The following DUSP13B variants were observed in gnomAD, a reference collection of about 807,000 sequenced individuals.
The protein encoded by DUSP13B is dual specificity protein phosphatase 13B.
chr10:75,095,555 T>C, the DUSP13B span: 4 of 1,608,566 alleles, frequency 2.5e-6, no homozygotes, highest in Non-Finnish European at 3.4e-6. Flanking sequence ...CCCTCCACCA[T>C]GCCTGATCCA....
chr10:75,103,363 A>T, the DUSP13B span, among the ~76,000 whole-genome samples: 12 of 152,318 alleles, frequency 7.9e-5, no homozygotes, highest in African/African-American at 2.9e-4. Context: ...ACAGGTGTAG[A>T]GCAGGTCTTC....
chr10:75,096,884 T>C, the DUSP13B span, among the ~76,000 whole-genome samples: 4 of 152,166 alleles, frequency 2.6e-5, no homozygotes, highest in Non-Finnish European at 4.4e-5. Flanking sequence ...ACTCCAGCAG[T>C]GAAAACATGA....
At chr10:75,105,933 G>A in the DUSP13B span, 4 of 1,478,200 alleles carry the variant, frequency 2.7e-6, no homozygotes, top group Non-Finnish European at 3.7e-6. Flanking sequence ...GCTGGGATGG[G>A]GACCCAAGTT....
the DUSP13B span, among the ~76,000 whole-genome samples, chr10:75,097,452 C>G: frequency 6.6e-6 from 1 of 152,204 alleles, no homozygotes; most frequent in Non-Finnish European, 1.5e-5. Flanking sequence ...TCAAGTGATC[C>G]ACCTGTCTTG....
the DUSP13B span, chr10:75,101,796 T>C: frequency 1.0e-6 from 1 of 987,586 alleles, no homozygotes; most frequent in South Asian, 1.3e-5. Flanking sequence ...GGCACAAGTG[T>C]CCTGGCCCTC....
At chr10:75,107,447 C>G in the DUSP13B span, among the ~76,000 whole-genome samples, 1 of 152,172 alleles carries the variant, frequency 6.6e-6, no homozygotes, top group African/African-American at 2.4e-5. Flanking sequence ...AGCTGTTCTG[C>G]TGTTTGGGAG....
At chr10:75,108,126 T>C in the DUSP13B span, 1 of 1,613,720 alleles carries the variant, frequency 6.2e-7, no homozygotes, top group Middle Eastern at 1.7e-4. Flanking sequence ...AGGGCCGCCC[T>C]GACAGTAGAG....
chr10:75,102,021 C>G, the DUSP13B span: 99 of 1,251,950 alleles, frequency 7.9e-5, no homozygotes, highest in African/African-American at 1.4e-3. Context: ...TTCCAGCCTC[C>G]CCTGCCACTC....
At chr10:75,104,729 A>T in the DUSP13B span, among the ~76,000 whole-genome samples, 1 of 152,146 alleles carries the variant, frequency 6.6e-6, no homozygotes, top group Non-Finnish European at 1.5e-5. Flanking sequence ...TTCTTATCAC[A>T]GTCACCCCCA....
the DUSP13B span, chr10:75,103,915 G>T: frequency 3.8e-6 from 5 of 1,313,432 alleles, no homozygotes; most frequent in African/African-American, 1.5e-5. Context: ...GAAGACAGTG[G>T]CTGAGAGGGG....
chr10:75,107,807 C>T, the DUSP13B span, among the ~76,000 whole-genome samples: 1 of 152,146 alleles, frequency 6.6e-6, no homozygotes, highest in Non-Finnish European at 1.5e-5. Flanking sequence ...GAACTCCTGA[C>T]CTCAGGCGAT....
At chr10:75,108,191 G>T in the DUSP13B span, 1 of 1,606,712 alleles carries the variant, frequency 6.2e-7, no homozygotes, top group South Asian at 1.1e-5. Flanking sequence ...ACAGCTCAAA[G>T]CGGTTGTTTG....
the DUSP13B span, among the ~76,000 whole-genome samples, chr10:75,100,842 G>A: frequency 6.6e-6 from 1 of 152,236 alleles, no homozygotes; most frequent in African/African-American, 2.4e-5. Flanking sequence ...CCTCCCCCAG[G>A]AAGCTCATGT....
chr10:75,094,696 G>A, the DUSP13B span: 14 of 1,613,986 alleles, frequency 8.7e-6, no homozygotes, highest in African/African-American at 6.7e-5. Flanking sequence ...CCCGTCTCCC[G>A]CCCCAGTCGG....
the DUSP13B span, chr10:75,095,616 G>A: frequency 1.9e-6 from 3 of 1,614,188 alleles, no homozygotes; most frequent in Non-Finnish European, 2.5e-6. Context: ...TCGAGCAACA[G>A]GCAGAAAGTA....
the DUSP13B span, among the ~76,000 whole-genome samples, chr10:75,107,301 C>T: frequency 6.6e-6 from 1 of 150,612 alleles, no homozygotes; most frequent in African/African-American, 2.4e-5. Flanking sequence ...GAGCAGAGAT[C>T]GCGCCACTGC....
the DUSP13B span, chr10:75,095,734 C>T: frequency 2.2e-4 from 354 of 1,614,238 alleles, 1 homozygote; most frequent in South Asian, 1.4e-3. Context: ...TTGCCTGCAG[C>T]GGCATTCACA....
the DUSP13B span, chr10:75,103,930 A>C: frequency 7.6e-7 from 1 of 1,316,720 alleles, no homozygotes; most frequent in Non-Finnish European, 1.0e-6. Context: ...GAGGGGGTGT[A>C]GGCGCCAGGA....
At chr10:75,101,760 AC>A in the DUSP13B span, 383 of 713,342 alleles carry the variant, frequency 5.4e-4, 5 homozygotes, top group Middle Eastern at 4.6e-3. Context: ...TCTCTACCCA[AC>A]CCAAACCCCA....
Sources: allele counts gnomAD v4.1 joint callset (sites outside exome capture counted in the v4.1 genomes callset), GRCh38; gene constraint gnomAD v4.1.1; transcripts MANE v1.5; gene names NCBI Gene and HGNC (gene_info 2026-07-23, HGNC 2026-07-21).